The following AHI1 variants were observed in gnomAD, a reference collection of about 807,000 sequenced individuals.
AHI1 encodes the protein jouberin.
Under a neutral mutation model 149.3 loss-of-function variants are expected in AHI1, and 123 were observed. The ratio of observed to expected loss-of-function variants is 0.82; its 90% CI spans 0.71 to 0.96. The LOEUF (loss-of-function observed/expected upper bound fraction) is 0.96. Ranked by LOEUF, AHI1 falls within the 40% of genes least tolerant of loss-of-function variation. The probability of loss-of-function intolerance (pLI) is 0.00; values close to 1 mark genes in which losing one functional copy is unlikely to be tolerated. For synonymous variants in AHI1, 475 were observed against 459.8 expected, an observed-to-expected ratio of 1.03 and a Z score of -0.42; for missense variants, 1,439 against 1,422.7, an observed-to-expected ratio of 1.01 and a Z score of -0.18.
intron 18 of AHI1, 49 bp downstream of exon 18, chr6:135,429,833 A>G: frequency 9.1e-7 from 1 of 1,094,426 alleles, no homozygotes. Context: ...AATTTAATTC[A>G]TTACTTACTC....
chr6:135,363,041 TTTATTA>T (rs772520434), intron 23 of AHI1, among the ~76,000 whole-genome samples: 174 of 148,596 alleles, frequency 1.2e-3, no homozygotes, highest in African/African-American at 3.6e-3. Context: ...TTTATTTTAT[TTTATTA>T]TTATTATTAT....
chr6:135,404,454 T>C (rs2128497866), intron 22 of AHI1, among the ~76,000 whole-genome samples: 1 of 152,330 alleles, frequency 6.6e-6, no homozygotes, highest in East Asian at 1.9e-4. Flanking sequence ...GGAATAACAA[T>C]TATATCTAAT....
At chr6:135,360,484 T>C (rs1268816047) in intron 23 of AHI1, among the ~76,000 whole-genome samples, 2 of 152,210 alleles carry the variant, frequency 1.3e-5, no homozygotes, top group Admixed American at 6.5e-5. Flanking sequence ...AACTCTTTCC[T>C]ACGTCTCCCT....
chr6:135,351,141 AAAC>A (rs1287385313), intron 24 of AHI1, among the ~76,000 whole-genome samples: 55 of 148,420 alleles, frequency 3.7e-4, no homozygotes, highest in African/African-American at 1.4e-3. Context: ...AAAACAAAAA[AAAC>A]AAAAAAAAAA....
At chr6:135,441,513 G>T (rs1786288760) in intron 14 of AHI1, among the ~76,000 whole-genome samples, 2 of 151,728 alleles carry the variant, frequency 1.3e-5, no homozygotes, top group African/African-American at 2.4e-5. Flanking sequence ...TAATCAAATA[G>T]TCAAAAACCA....
chr6:135,442,123 C>A (rs968718470), intron 14 of AHI1, among the ~76,000 whole-genome samples: 1 of 152,080 alleles, frequency 6.6e-6, no homozygotes, highest in African/African-American at 2.4e-5. Flanking sequence ...TGCTTGGCCT[C>A]TCTGCTGACT....
chr6:135,406,040 TCA>T (rs1316900822), intron 21 of AHI1, among the ~76,000 whole-genome samples: 1 of 152,116 alleles, frequency 6.6e-6, no homozygotes, highest in East Asian at 1.9e-4. Flanking sequence ...TAGATACTTC[TCA>T]GTTATTGGGA....
chr6:135,375,956 C>T (rs1300290088), intron 23 of AHI1, among the ~76,000 whole-genome samples: 1 of 151,812 alleles, frequency 6.6e-6, no homozygotes, highest in Non-Finnish European at 1.5e-5. Flanking sequence ...TATCAAAGGA[C>T]ATAAGAGCAG....
At chr6:135,470,401 C>T (rs1163086375) in intron 5 of AHI1, among the ~76,000 whole-genome samples, 2 of 152,220 alleles carry the variant, frequency 1.3e-5, no homozygotes, top group Admixed American at 6.5e-5. Context: ...GTGGAAGACA[C>T]TGTGGCGATT....
intron 5 of AHI1, among the ~76,000 whole-genome samples, chr6:135,478,782 C>A (rs1793131376): frequency 1.3e-5 from 2 of 152,240 alleles, no homozygotes; most frequent in African/African-American, 4.8e-5. Context: ...ACCTCCACAG[C>A]AGCCCTTCCT....
chr6:135,487,617 A>C (rs893219569), intron 5 of AHI1, among the ~76,000 whole-genome samples: 1 of 152,180 alleles, frequency 6.6e-6, no homozygotes, highest in Non-Finnish European at 1.5e-5. Flanking sequence ...AGTGTATAAT[A>C]ATCAAATCAG....
intron 24 of AHI1, among the ~76,000 whole-genome samples, chr6:135,341,356 AAAG>A (rs1245562383): frequency 1.3e-5 from 2 of 152,056 alleles, no homozygotes; most frequent in Non-Finnish European, 2.9e-5. Context: ...CACTAGAGAC[AAAG>A]AAGGACATTG....
chr6:135,469,247 A>T (rs1461800553), intron 5 of AHI1, among the ~76,000 whole-genome samples: 1 of 152,184 alleles, frequency 6.6e-6, no homozygotes, highest in Admixed American at 6.5e-5. Flanking sequence ...GAACAGAACT[A>T]AAGACAAAAA....
chr6:135,481,147 C>T (rs1037683751), intron 5 of AHI1, among the ~76,000 whole-genome samples: 3 of 152,186 alleles, frequency 2.0e-5, no homozygotes, highest in African/African-American at 4.8e-5. Context: ...CTCTGCACTG[C>T]CTTGGGACTG....
chr6:135,367,916 TAAAG>T (rs201038543), intron 23 of AHI1, among the ~76,000 whole-genome samples: 1,795 of 152,312 alleles, frequency 0.012, 26 homozygotes, highest in African/African-American at 0.039. Context: ...TTGGGGGTGT[TAAAG>T]AACCTTGTTT....
chr6:135,324,075 T>A (rs943707410), intron 24 of AHI1, among the ~76,000 whole-genome samples: 1 of 152,184 alleles, frequency 6.6e-6, no homozygotes. Context: ...GTCTCAGCAC[T>A]TTGGGAGGCC....
At chr6:135,398,704 T>C (rs1370207050) in intron 22 of AHI1, among the ~76,000 whole-genome samples, 1 of 152,182 alleles carries the variant, frequency 6.6e-6, no homozygotes, top group East Asian at 1.9e-4. Context: ...TCTCTCTTAG[T>C]TCACTGCCTT....
At chr6:135,390,430 T>C (rs956637857) in intron 23 of AHI1, among the ~76,000 whole-genome samples, 2 of 152,018 alleles carry the variant, frequency 1.3e-5, no homozygotes, top group Non-Finnish European at 2.9e-5. Context: ...CTTTGCAATA[T>C]ATCTTAGAAC....
At chr6:135,356,658 C>T (rs971858512) in intron 24 of AHI1, among the ~76,000 whole-genome samples, 3 of 152,034 alleles carry the variant, frequency 2.0e-5, no homozygotes, top group African/African-American at 4.8e-5. Context: ...TTCTTAATTG[C>T]CATTCTTTAA....
Sources: gnomAD v4.1 joint callset for allele counts (sites outside exome capture counted in the v4.1 genomes callset) on GRCh38, gnomAD v4.1.1 for gene constraint, MANE v1.5 for transcripts, NCBI Gene and HGNC (gene_info 2026-07-23, HGNC 2026-07-21) for gene names.